Variants in KCNMB4 observed in about 807,000 individuals in gnomAD.
KCNMB4 encodes the protein potassium calcium-activated channel subfamily M regulatory beta subunit 4, also known as calcium-activated potassium channel subunit beta-4.
In KCNMB4, 3 loss-of-function variants were observed where a neutral mutation model predicts 20.7. The observed-to-expected ratio is 0.14, with a 90% CI of 0.07 to 0.37. The LOEUF (loss-of-function observed/expected upper bound fraction) is 0.37. Among genes scored for constraint, KCNMB4 ranks in the 10% least tolerant of loss-of-function variants. The pLI is 1.00. For synonymous variants in KCNMB4, 110 were observed against 113.4 expected (o/e 0.97, Z 0.19); for missense variants, 168 against 265.9 (o/e 0.63, Z 2.56).
At chr12:70,420,374 G>A (rs928687578) in intron 2 of KCNMB4, among the ~76,000 whole-genome samples, 1 of 152,200 alleles carries the variant, frequency 6.6e-6, no homozygotes, top group African/African-American at 2.4e-5. Context: ...GATTGCCTGA[G>A]TGTGCCCCAA....
chr12:70,391,526 G>A (rs185276664), intron 1 of KCNMB4, among the ~76,000 whole-genome samples: 2 of 152,176 alleles, frequency 1.3e-5, no homozygotes, highest in African/African-American at 2.4e-5. Context: ...GGCTAGTCTC[G>A]AACTCCTGGG....
chr12:70,382,457 A>AT (rs1385952431), intron 1 of KCNMB4, among the ~76,000 whole-genome samples: 4,351 of 128,130 alleles, frequency 0.034, 62 homozygotes, highest in African/African-American at 0.071. Flanking sequence ...AAAAAAAAAA[A>AT]TTTAAAGGTA....
chr12:70,431,477 ACT>A lies in KCNMB4; in HGVS notation c.*827_*828del, dbSNP rs1869362696. On this transcript the variant is annotated 3_prime_UTR_variant, in exon 3 of 3. Coordinates refer to ENST00000258111, the MANE Select transcript of KCNMB4 (RefSeq NM_014505.6). ...ATACAATATACATGATGTGAAGGAC[ACT>A]CTTCAGCTTAGTGAAACGCTGTTTT... is the stretch of plus-strand genomic sequence containing the variant. 1 of 150,006 alleles carries A rather than the reference ACT, an allele frequency of 6.7e-6. No individual in the cohort carries two copies. The highest frequency in any genetic ancestry group is 2.5e-5 in the African/African-American group (1 of 40,800). The allele number at this position is 150,006 out of a possible 1,614,324, so 9.3% of individuals were successfully genotyped here.
chr12:70,418,872 G>A (rs752163801), intron 2 of KCNMB4, among the ~76,000 whole-genome samples: 1 of 152,088 alleles, frequency 6.6e-6, no homozygotes, highest in Admixed American at 6.6e-5. Flanking sequence ...TGGGTTCATC[G>A]GTGATTTTTG....
intron 2 of KCNMB4, among the ~76,000 whole-genome samples, chr12:70,407,507 G>A (rs1472682360): frequency 1.7e-4 from 19 of 113,580 alleles, no homozygotes; most frequent in African/African-American, 4.9e-4. Context: ...TCACTCTGTC[G>A]CCCAGGCTGG....
chr12:70,367,259 G>T (rs541631620), intron 1 of KCNMB4, among the ~76,000 whole-genome samples, 189 bp downstream of exon 1: 1 of 152,142 alleles, frequency 6.6e-6, no homozygotes, highest in African/African-American at 2.4e-5. Flanking sequence ...TTTCAGGTGG[G>T]TTTACGCGCG....
intron 2 of KCNMB4, among the ~76,000 whole-genome samples, chr12:70,404,337 A>T (rs1868537173): frequency 6.6e-6 from 1 of 152,078 alleles, no homozygotes; most frequent in Admixed American, 6.6e-5. Context: ...GCTGGGAAAG[A>T]TGGGTTAAAG....
At chr12:70,424,396 G>A (rs540489397) in intron 2 of KCNMB4, among the ~76,000 whole-genome samples, 7 of 151,126 alleles carry the variant, frequency 4.6e-5, no homozygotes, top group East Asian at 3.9e-4. Flanking sequence ...AGCCGAGATC[G>A]CGCCACTGCA....
chr12:70,382,630 AT>A (rs978034580), intron 1 of KCNMB4, among the ~76,000 whole-genome samples: 22 of 152,128 alleles, frequency 1.4e-4, no homozygotes, highest in African/African-American at 5.3e-4. Context: ...AAACTTACAC[AT>A]TTTTTTGAAC....
chr12:70,393,067 C>A (rs1006794050), intron 1 of KCNMB4, among the ~76,000 whole-genome samples: 1 of 152,024 alleles, frequency 6.6e-6, no homozygotes, highest in Non-Finnish European at 1.5e-5. Context: ...TGTTTATAGG[C>A]CCTGTCATGT....
At chr12:70,409,764 T>C (rs1224799871) in intron 2 of KCNMB4, among the ~76,000 whole-genome samples, 1 of 152,062 alleles carries the variant, frequency 6.6e-6, no homozygotes, top group Non-Finnish European at 1.5e-5. Flanking sequence ...AGGGGGAGAA[T>C]ATTTCAGAAT....
At chr12:70,410,807 A>C (rs1269863993) in intron 2 of KCNMB4, among the ~76,000 whole-genome samples, 1 of 152,232 alleles carries the variant, frequency 6.6e-6, no homozygotes, top group Non-Finnish European at 1.5e-5. Context: ...CAACACAAAA[A>C]AAAGGAAGAA....
At chr12:70,402,004 C>T (rs934805444) in intron 2 of KCNMB4, among the ~76,000 whole-genome samples, 1 of 152,148 alleles carries the variant, frequency 6.6e-6, no homozygotes, top group African/African-American at 2.4e-5. Context: ...AAACATTTGT[C>T]ACCACATTTA....
intron 2 of KCNMB4, among the ~76,000 whole-genome samples, chr12:70,429,634 TC>T (rs1187789817): frequency 7.0e-6 from 1 of 141,872 alleles, no homozygotes; most frequent in African/African-American, 2.7e-5. Flanking sequence ...ACCACTGCGC[TC>T]CAGCCTAGGT....
Position 70,433,299 on chromosome 12 carries a change from T to G in KCNMB4, c.*2646T>G, listed in dbSNP as rs1279856517. ...GATGGCTCATGTAAGATAATTTATTTTTTTCTCACATAGCAATCCAGAAGT... is the reference window on the plus strand; with the variant it reads ...GATGGCTCATGTAAGATAATTTATTGTTTTCTCACATAGCAATCCAGAAGT... On this transcript the variant is annotated 3_prime_UTR_variant, in exon 3 of 3. Transcript: ENST00000258111. 6.6e-6 allele frequency: 1 copy of G among 152,236 alleles called. No homozygotes were observed. The highest frequency in any genetic ancestry group is 1.5e-5 in the Non-Finnish European group (1 of 68,044). 9.4% of individuals were successfully genotyped at this position (152,236 alleles called of 1,614,324 possible).
intron 2 of KCNMB4, among the ~76,000 whole-genome samples, chr12:70,428,247 G>T (rs1212857460): frequency 3.3e-5 from 5 of 152,172 alleles, no homozygotes; most frequent in African/African-American, 1.2e-4. Flanking sequence ...GCCCGCCTCT[G>T]TCTCCCAAAG....
chr12:70,419,864 C>CAGATAGTGGTGG (rs1162338435), intron 2 of KCNMB4, among the ~76,000 whole-genome samples: 1 of 151,976 alleles, frequency 6.6e-6, no homozygotes, highest in Non-Finnish European at 1.5e-5. Flanking sequence ...TTAGGAACAG[C>CAGATAGTGGTGG]AGATAGTGGT....
At chr12:70,374,454 A>G (rs1223657448) in intron 1 of KCNMB4, among the ~76,000 whole-genome samples, 4 of 152,226 alleles carry the variant, frequency 2.6e-5, no homozygotes, top group African/African-American at 4.8e-5. Flanking sequence ...AGTTTTTAAC[A>G]TTGCATATGT....
rs1244858834 is a variant in KCNMB4 at position 70,389,339 on chromosome 12, G to A, written c.337-10870G>A. On this transcript the variant is annotated intron_variant, in intron 1 of 2. Coordinates refer to ENST00000258111, the MANE Select transcript of KCNMB4 (RefSeq NM_014505.6). Reference sequence around the variant, plus strand: ...GAATTGTAAAACCCATTTGTATACTGTTTGTCATATGACCATTCTCAATAG... The same window carrying A: ...GAATTGTAAAACCCATTTGTATACTATTTGTCATATGACCATTCTCAATAG... Among the ~76,000 whole-genome samples the A allele has an allele frequency of 2.6e-5, 4 of 151,754 alleles. No homozygotes were observed. In the East Asian group the frequency reaches 7.7e-4, roughly 29 times the overall value.
Sources: gnomAD v4.1 joint callset for allele counts (sites outside exome capture counted in the v4.1 genomes callset) on GRCh38, gnomAD v4.1.1 for gene constraint, MANE v1.5 for transcripts, NCBI Gene and HGNC (gene_info 2026-07-23, HGNC 2026-07-21) for gene names.